PTPRC: variants seen among roughly 807,000 people sequenced by gnomAD.
The protein encoded by PTPRC is receptor-type tyrosine-protein phosphatase C.
In PTPRC, 44 loss-of-function variants were observed where a neutral mutation model predicts 155.9. The observed-to-expected ratio is 0.28, with a 90% confidence interval of 0.22 to 0.36. The LOEUF (loss-of-function observed/expected upper bound fraction) is 0.36, where lower values mean the gene tolerates loss of function less well. PTPRC is among the 10% of genes least tolerant of loss of function. The pLI is 1.00. For synonymous variants in PTPRC, 525 were observed against 533.1 expected (o/e 0.98, Z 0.21); for missense variants, 1,401 against 1,564.6 (o/e 0.90, Z 1.76).
intron 12 of PTPRC, among the ~76,000 whole-genome samples, chr1:198,715,266 G>A (rs1480797511): frequency 1.3e-5 from 2 of 151,956 alleles, no homozygotes; most frequent in African/African-American, 4.8e-5. Context: ...GGGACTACAG[G>A]CGCCCGCCAC....
intron 2 of PTPRC, among the ~76,000 whole-genome samples, chr1:198,681,044 C>A (rs150784162): frequency 1.6e-3 from 238 of 152,166 alleles, no homozygotes; most frequent in African/African-American, 5.4e-3. Flanking sequence ...GACAATGTAT[C>A]AAATAGTAGG....
intron 28 of PTPRC, chr1:198,750,259 T>A (rs1655318893): frequency 1.9e-6 from 1 of 523,646 alleles, no homozygotes; most frequent in Non-Finnish European, 3.4e-6. Flanking sequence ...AAAATTTGTT[T>A]CGCAAGATAT....
At chr1:198,675,851 A>C (rs1246876968) in intron 2 of PTPRC, among the ~76,000 whole-genome samples, 2 of 152,188 alleles carry the variant, frequency 1.3e-5, no homozygotes, top group Non-Finnish European at 2.9e-5. Context: ...TTTCTGTTGT[A>C]TCTACTAATT....
intron 26 of PTPRC, among the ~76,000 whole-genome samples, chr1:198,747,040 A>G (rs1655166451): frequency 2.0e-5 from 3 of 151,704 alleles, no homozygotes; most frequent in Non-Finnish European, 2.9e-5. Flanking sequence ...ATAAAATCTT[A>G]CCGAATTGTA....
chr1:198,702,566 T>C (rs750597448), intron 6 of PTPRC, 36 bp downstream of exon 6: 10 of 1,612,542 alleles, frequency 6.2e-6, no homozygotes, highest in South Asian at 5.5e-5. Context: ...TCTTCAGTTA[T>C]AGATAATGAA....
chr1:198,715,897 T>G (rs1314902598), intron 12 of PTPRC, among the ~76,000 whole-genome samples: 2 of 152,182 alleles, frequency 1.3e-5, no homozygotes, highest in African/African-American at 4.8e-5. Context: ...TGATGTCACT[T>G]GGCTACTCAA....
chr1:198,651,407 G>A (rs1168089398), intron 2 of PTPRC, among the ~76,000 whole-genome samples: 1 of 151,594 alleles, frequency 6.6e-6, no homozygotes, highest in African/African-American at 2.4e-5. Context: ...TGTTATCAAT[G>A]TGGCAGATAT....
chr1:198,713,322 C>T, intron 12 of PTPRC, among the ~76,000 whole-genome samples: 1 of 152,170 alleles, frequency 6.6e-6, no homozygotes, highest in East Asian at 1.9e-4. Flanking sequence ...TGCTCCAAAG[C>T]CTAGAGACAG....
At chr1:198,730,384 A>G (rs555443515) in intron 17 of PTPRC, among the ~76,000 whole-genome samples, 1 of 152,148 alleles carries the variant, frequency 6.6e-6, no homozygotes, top group South Asian at 2.1e-4. Flanking sequence ...GTCATTGACT[A>G]TCCTCTCCTA....
At chr1:198,683,591 A>T (rs1665458278) in intron 2 of PTPRC, among the ~76,000 whole-genome samples, 1 of 152,070 alleles carries the variant, frequency 6.6e-6, no homozygotes, top group Non-Finnish European at 1.5e-5. Flanking sequence ...GTTGTTCTTA[A>T]CCCTTGTTTC....
intron 13 of PTPRC, among the ~76,000 whole-genome samples, chr1:198,717,704 G>T (rs1463237287): frequency 6.6e-6 from 1 of 152,090 alleles, no homozygotes; most frequent in Non-Finnish European, 1.5e-5. Flanking sequence ...GATAACATTA[G>T]CACTCCGGGA....
chr1:198,675,254 T>A (rs1466571888), intron 2 of PTPRC, among the ~76,000 whole-genome samples: 1 of 152,144 alleles, frequency 6.6e-6, no homozygotes, highest in Non-Finnish European at 1.5e-5. Context: ...TTAATGTTGA[T>A]GAGAAGCAAA....
At chr1:198,753,216 T>C (rs996954591) in intron 31 of PTPRC, among the ~76,000 whole-genome samples, 1 of 152,010 alleles carries the variant, frequency 6.6e-6, no homozygotes, top group African/African-American at 2.4e-5. Context: ...TTAAGTTAAA[T>C]ATTAACTGAA....
chr1:198,745,571 G>A (rs1282367174), intron 26 of PTPRC, among the ~76,000 whole-genome samples: 5 of 151,790 alleles, frequency 3.3e-5, no homozygotes, highest in African/African-American at 1.2e-4. Context: ...CTAGGCAGAG[G>A]CAGTAAGATT....
chr1:198,700,003 T>C, intron 5 of PTPRC: 1 of 482,082 alleles, frequency 2.1e-6, no homozygotes, highest in Non-Finnish European at 3.7e-6. Context: ...GGGAAAACTT[T>C]TTGTTAGAAG....
chr1:198,700,051 T>C (rs575216901), intron 5 of PTPRC: 17 of 355,136 alleles, frequency 4.8e-5, no homozygotes, highest in South Asian at 4.3e-4. Context: ...TTAAAGACTT[T>C]GTACCAACAA....
Position 198,735,127 on chromosome 1 carries a change from A to T in PTPRC, c.2278A>T (p.Asn760Tyr). The T allele has an allele frequency of 6.3e-7, 1 of 1,596,144 alleles. No homozygotes were observed. ...MVTRCEEGNRNKCAEYWPSME... is the reference protein window; with the variant it reads ...MVTRCEEGNRYKCAEYWPSME... ...TACTTAATAATTTTTTAAAATGTAG[A>T]ACAAGTGTGCAGAATACTGGCCGTC... Residue 760 changes from asparagine (N) to tyrosine (Y), a missense_variant and splice_region_variant, in exon 23 of 33, where the codon AAC becomes TAC. Asn to Tyr is a moderately radical substitution (Grantham distance 143, BLOSUM62 -2). This residue lies in a region of PTPRC where 867 missense variants were observed against 970.4 expected (regional missense o/e 0.89). Coordinates refer to ENST00000442510, the MANE Select transcript of PTPRC (RefSeq NM_002838.5).
At chr1:198,684,228 G>A (rs573812732) in intron 2 of PTPRC, among the ~76,000 whole-genome samples, 24 of 150,644 alleles carry the variant, frequency 1.6e-4, no homozygotes, top group East Asian at 5.8e-4. Context: ...TAATTGTTTC[G>A]TTAATCAACA....
intron 15 of PTPRC, among the ~76,000 whole-genome samples, chr1:198,723,703 A>G (rs1201879818): frequency 6.6e-6 from 1 of 152,246 alleles, no homozygotes; most frequent in African/African-American, 2.4e-5. Context: ...AAAGACACAG[A>G]ACAAAAAGCA....
Sources: gnomAD v4.1 joint callset for allele counts (sites outside exome capture counted in the v4.1 genomes callset) on GRCh38, gnomAD v4.1.1 for gene constraint, gnomAD v4.1.1 regional missense constraint, MANE v1.5 for transcripts, NCBI Gene and HGNC (gene_info 2026-07-23, HGNC 2026-07-21) for gene names.